ACYP2: variants seen among roughly 807,000 people sequenced by gnomAD.
The protein encoded by ACYP2 is acylphosphatase-2.
Under a neutral mutation model 11.2 loss-of-function variants are expected in ACYP2, and 12 were observed. The observed-to-expected ratio is 1.08, with a 90% CI of 0.69 to 1.74. The LOEUF (loss-of-function observed/expected upper bound fraction) is 1.74. ACYP2 is among the 40% of genes most tolerant of loss of function. The pLI, the probability that ACYP2 is intolerant of heterozygous loss-of-function variation, is 0.00. For missense variants in ACYP2, 134 were observed against 101.9 expected (o/e 1.31, Z -1.35); for synonymous variants, 43 against 32.2 (o/e 1.33, Z -1.13).
At chr2:54,110,918 G>A (rs1234248270) in intron 4 of ACYP2, among the ~76,000 whole-genome samples, 3 of 152,028 alleles carry the variant, frequency 2.0e-5, no homozygotes, top group African/African-American at 7.3e-5. Context: ...GCCAAGCAGA[G>A]CAAAGAGAGG....
intron 6 of ACYP2, among the ~76,000 whole-genome samples, chr2:54,156,183 A>C (rs951192118): frequency 6.6e-6 from 1 of 152,152 alleles, no homozygotes; most frequent in Non-Finnish European, 1.5e-5. Context: ...CTCAAGTTCA[A>C]TATTTGCTTA....
At chr2:54,176,695 G>A (rs557960375) in intron 6 of ACYP2, among the ~76,000 whole-genome samples, 69 of 152,190 alleles carry the variant, frequency 4.5e-4, no homozygotes, top group Non-Finnish European at 8.4e-4. Context: ...CTACCTTCAC[G>A]ATGACATGCT....
chr2:54,008,182 A>G (rs986528065), intron 2 of ACYP2, among the ~76,000 whole-genome samples: 1 of 152,190 alleles, frequency 6.6e-6, no homozygotes, highest in Non-Finnish European at 1.5e-5. Context: ...TCTTTCCTAG[A>G]CTGCAGCTAT....
chr2:54,096,405 G>C (rs1175314313), intron 4 of ACYP2, among the ~76,000 whole-genome samples: 1 of 151,894 alleles, frequency 6.6e-6, no homozygotes, highest in Non-Finnish European at 1.5e-5. Flanking sequence ...GCCAGGCAGA[G>C]ATGCTCCTCA....
At chr2:54,066,232 T>C (rs1284451010) in intron 4 of ACYP2, among the ~76,000 whole-genome samples, 3 of 151,760 alleles carry the variant, frequency 2.0e-5, no homozygotes, top group African/African-American at 7.3e-5. Context: ...AGTGAGGGAG[T>C]TTTCACGTGA....
intron 2 of ACYP2, among the ~76,000 whole-genome samples, chr2:54,049,467 A>G (rs547642669): frequency 1.3e-5 from 2 of 152,276 alleles, no homozygotes; most frequent in African/African-American, 2.4e-5. Context: ...AAACCAAACC[A>G]AACAAACAAA....
chr2:54,222,624 C>T (rs1378166050), intron 6 of ACYP2, among the ~76,000 whole-genome samples: 2 of 151,726 alleles, frequency 1.3e-5, no homozygotes, highest in East Asian at 3.9e-4. Flanking sequence ...TCATTTGCTA[C>T]ATAACCCAGA....
intron 1 of ACYP2, among the ~76,000 whole-genome samples, chr2:53,972,030 C>A (rs370067192): frequency 5.9e-5 from 9 of 152,350 alleles, no homozygotes; most frequent in Admixed American, 2.6e-4. Context: ...ACTCTGGCGG[C>A]CGGGCGCAGT....
At chr2:54,014,740 TTC>T in intron 2 of ACYP2, among the ~76,000 whole-genome samples, 1 of 150,056 alleles carries the variant, frequency 6.7e-6, no homozygotes, top group African/African-American at 2.5e-5. Context: ...AAAATTTTTT[TTC>T]TTTTTTGTTT....
chr2:54,107,828 A>G (rs1256820472), intron 4 of ACYP2, among the ~76,000 whole-genome samples: 1 of 152,216 alleles, frequency 6.6e-6, no homozygotes, highest in Non-Finnish European at 1.5e-5. Context: ...CTGAAGTTTT[A>G]GGATGGACTT....
chr2:54,281,362 G>A (rs753495763), intron 6 of ACYP2, among the ~76,000 whole-genome samples: 4 of 152,204 alleles, frequency 2.6e-5, no homozygotes, highest in Non-Finnish European at 5.9e-5. Context: ...CAGTGGTGCT[G>A]CCACAGTGCA....
intron 6 of ACYP2, among the ~76,000 whole-genome samples, chr2:54,224,511 C>G (rs752455993): frequency 6.6e-6 from 1 of 152,128 alleles, no homozygotes; most frequent in Non-Finnish European, 1.5e-5. Flanking sequence ...AGCAAAGACA[C>G]CACTCAAAGG....
intron 6 of ACYP2, among the ~76,000 whole-genome samples, chr2:54,209,635 C>G (rs754728270): frequency 2.0e-5 from 3 of 152,198 alleles, no homozygotes; most frequent in Non-Finnish European, 4.4e-5. Context: ...TGGCACCGTC[C>G]TATCTCTTCA....
intron 6 of ACYP2, among the ~76,000 whole-genome samples, chr2:54,144,571 G>C (rs1681797396): frequency 6.6e-6 from 1 of 151,702 alleles, no homozygotes; most frequent in Admixed American, 6.6e-5. Flanking sequence ...CTACTTGGGA[G>C]GCTGAAGCAG....
At chr2:54,007,138 C>CAAAAAAAAAAAAAAA (rs70944145) in intron 2 of ACYP2, among the ~76,000 whole-genome samples, 5 of 52,208 alleles carry the variant, frequency 9.6e-5, no homozygotes, top group Admixed American at 2.9e-4. Context: ...GACTCTGTGT[C>CAAAAAAAAAAAAAAA]AAAAAAAAAA....
At chr2:54,008,352 C>G (rs894560550) in intron 2 of ACYP2, among the ~76,000 whole-genome samples, 8 of 152,188 alleles carry the variant, frequency 5.3e-5, no homozygotes, top group African/African-American at 1.9e-4. Flanking sequence ...GACTTCAGAG[C>G]TATACTTCCT....
At chr2:54,176,803 A>ATTCTTCTT (rs1683482267) in intron 6 of ACYP2, among the ~76,000 whole-genome samples, 1 of 152,160 alleles carries the variant, frequency 6.6e-6, no homozygotes, top group South Asian at 2.1e-4. Flanking sequence ...TCTGTTGTTG[A>ATTCTTCTT]GAGGGTACCA....
Position 54,009,166 on chromosome 2 carries a change from A to AAAT in ACYP2, c.62+35356_62+35357insAAT, listed in dbSNP as rs563332700. On this transcript the variant is annotated intron_variant, in intron 2 of 6. Transcript: ENST00000607452. ...AGACTCCATCTCAAAAAAAAAAAAAATTCAGACAGCAAAAGATTTGAGGAC... is the reference window on the plus strand; with the variant it reads ...AGACTCCATCTCAAAAAAAAAAAAAAAATTTCAGACAGCAAAAGATTTGAGGAC... Among the ~76,000 whole-genome samples the AAAT allele has an allele frequency of 7.5e-4, 113 of 151,314 alleles. 1 individual carries two copies. The highest frequency in any genetic ancestry group is 1.4e-3 in the East Asian group (7 of 5,146).
In ACYP2 at chr2:54,177,744, A is replaced by C. The variant is rs184011455; in HGVS notation, c.404+38996A>C. On this transcript the variant is annotated intron_variant, in intron 6 of 6. Coordinates refer to ENST00000607452, the MANE Select transcript of ACYP2 (RefSeq NM_001320586.2). ...AGGCACGCACCACCATGCCCAGATA[A>C]TTTTTTGTATTTTTAGTAGAGACAG... Among the ~76,000 whole-genome samples, 450 of 151,342 alleles carry C rather than the reference A, an allele frequency of 3.0e-3. 3 individuals are homozygous for C. Among genetic ancestry groups the C allele is most frequent in the African/African-American group, 0.011 (443 of 41,214 alleles).
Sources: gnomAD v4.1 joint callset for allele counts (sites outside exome capture counted in the v4.1 genomes callset) on GRCh38, gnomAD v4.1.1 for gene constraint, MANE v1.5 for transcripts, NCBI Gene and HGNC (gene_info 2026-07-23, HGNC 2026-07-21) for gene names.